The following IMPG2 variants were observed in gnomAD, a reference collection of about 807,000 sequenced individuals.
The protein encoded by IMPG2 is IPM 200.
Under a neutral mutation model 129.2 loss-of-function variants are expected in IMPG2, and 91 were observed. That is an observed-to-expected ratio of 0.70 (90% CI 0.59 to 0.84). The LOEUF (loss-of-function observed/expected upper bound fraction) is 0.84. Ranked by LOEUF, IMPG2 falls within the 40% of genes least tolerant of loss-of-function variation. The pLI is 0.00. For synonymous variants in IMPG2, 510 were observed against 517.7 expected (o/e 0.99, Z 0.20); for missense variants, 1,430 against 1,461.7 (o/e 0.98, Z 0.35).
At chr3:101,269,926 C>CTTTTTTTT (rs5851267) in intron 7 of IMPG2, among the ~76,000 whole-genome samples, 13 of 106,978 alleles carry the variant, frequency 1.2e-4, no homozygotes, top group Non-Finnish European at 1.7e-4. Context: ...TTATTTTATT[C>CTTTTTTTT]TTTTTTTTTT....
At position 101,279,026 on chromosome 3, in the gene IMPG2, A is replaced by T. The variant is rs558699334; in HGVS notation, c.534-2313T>A. Among the ~76,000 whole-genome samples, 40 of 152,318 alleles carry T rather than the reference A, an allele frequency of 2.6e-4. 1 individual carries two copies. In the South Asian group the frequency reaches 8.1e-3, roughly 31 times the overall value. On this transcript the variant is annotated intron_variant, in intron 4 of 18. Transcript: ENST00000193391. ...TAATCAGGCCTGAATAGGGTCCATC[A>T]ATTGTCCACATGGCAGTACTCCTTC...
intron 7 of IMPG2, among the ~76,000 whole-genome samples, chr3:101,270,788 C>T (rs987051775): frequency 6.6e-6 from 1 of 151,512 alleles, no homozygotes; most frequent in Non-Finnish European, 1.5e-5. Flanking sequence ...CGACATACTC[C>T]GTCTCAAAAA....
At chr3:101,295,604 T>C (rs1707071009) in intron 3 of IMPG2, among the ~76,000 whole-genome samples, 1 of 152,196 alleles carries the variant, frequency 6.6e-6, no homozygotes, top group Non-Finnish European at 1.5e-5. Context: ...AGAATGTCAA[T>C]GGTAGTTTGA....
chr3:101,259,717 A>C (rs1160806499), intron 9 of IMPG2, among the ~76,000 whole-genome samples: 2 of 152,086 alleles, frequency 1.3e-5, no homozygotes, highest in Non-Finnish European at 2.9e-5. Flanking sequence ...TTATGTTACT[A>C]GTTAGTGGAA....
chr3:101,256,640 C>T (rs1706613620), intron 10 of IMPG2, among the ~76,000 whole-genome samples: 1 of 152,084 alleles, frequency 6.6e-6, no homozygotes, highest in African/African-American at 2.4e-5. Context: ...AGGACAGAGG[C>T]TCTTTCCTCT....
At chr3:101,240,701 A>G (rs534637702) in intron 14 of IMPG2, among the ~76,000 whole-genome samples, 1 of 152,314 alleles carries the variant, frequency 6.6e-6, no homozygotes, top group South Asian at 2.1e-4. Flanking sequence ...CTTCCACTAT[A>G]CCACATGACA....
intron 3 of IMPG2, among the ~76,000 whole-genome samples, chr3:101,292,389 C>G (rs1339400223): frequency 6.6e-6 from 1 of 152,010 alleles, no homozygotes; most frequent in Admixed American, 6.6e-5. Flanking sequence ...TTTTGGTTTC[C>G]TAGTGTATAT....
intron 14 of IMPG2, among the ~76,000 whole-genome samples, chr3:101,235,509 C>A (rs1025936270): frequency 1.3e-5 from 2 of 152,140 alleles, no homozygotes; most frequent in African/African-American, 4.8e-5. Context: ...TCTATCTTTT[C>A]TATACATTAG....
intron 12 of IMPG2, 58 bp from the exon 13 acceptor site, chr3:101,244,845 TC>T: frequency 6.8e-7 from 1 of 1,461,658 alleles, no homozygotes; most frequent in Non-Finnish European, 9.5e-7. Flanking sequence ...TATTCCTAGT[TC>T]TCCTAATAAA....
chr3:101,264,088 C>T (rs777924572), intron 9 of IMPG2, among the ~76,000 whole-genome samples: 36 of 151,812 alleles, frequency 2.4e-4, no homozygotes, highest in Non-Finnish European at 4.0e-4. Context: ...AAATCAGTAA[C>T]AAAAAGTCTA....
intron 16 of IMPG2, among the ~76,000 whole-genome samples, chr3:101,230,591 C>T (rs1004965291): frequency 4.6e-5 from 7 of 152,198 alleles, no homozygotes; most frequent in African/African-American, 1.2e-4. Flanking sequence ...TTGAAGTTCA[C>T]GCATGCCTCC....
intron 14 of IMPG2, among the ~76,000 whole-genome samples, chr3:101,234,914 C>A (rs1706329587): frequency 6.6e-6 from 1 of 152,116 alleles, no homozygotes. Flanking sequence ...ATCTAAAATT[C>A]TTGGGAGGAG....
chr3:101,319,253 T>G lies in IMPG2; in HGVS notation c.334+331A>C, dbSNP rs74752676. ...TTAATGAAAGACATCTTATTGTGAC[T>G]GCCCTCATGTGAAAAAAGTTTCTTA... On this transcript the variant is annotated intron_variant, in intron 2 of 18. Transcript: ENST00000193391. Among the ~76,000 whole-genome samples the G allele has an allele frequency of 9.4e-3, 1,431 of 152,282 alleles. 26 individuals carry two copies. The highest frequency in any genetic ancestry group is 0.032 in the African/African-American group (1,346 of 41,572).
In IMPG2 at chr3:101,242,918, C is replaced by G. The variant is rs574457386; in HGVS notation, c.2803-11G>C. ...GAGATAGGGAACCAGCTACAATATA[C>G]AAAAGTGGTAAGTTTATTGACAGCG... On this transcript the variant is annotated splice_polypyrimidine_tract_variant and intron_variant, in intron 13 of 18. Transcript: ENST00000193391. The G allele has an allele frequency of 6.2e-7, 1 of 1,607,430 alleles. No individual in the cohort carries two copies. Among genetic ancestry groups the G allele is most frequent in the South Asian group, 1.1e-5 (1 of 90,926 alleles).
chr3:101,255,190 T>C (rs1706585547), intron 10 of IMPG2, among the ~76,000 whole-genome samples: 1 of 152,128 alleles, frequency 6.6e-6, no homozygotes, highest in South Asian at 2.1e-4. Context: ...TTTGAGATAG[T>C]GATCAAGTTA....
chr3:101,259,005 T>C (rs561592068), intron 9 of IMPG2, among the ~76,000 whole-genome samples: 1 of 152,316 alleles, frequency 6.6e-6, no homozygotes, highest in South Asian at 2.1e-4. Context: ...AGACTTCCTT[T>C]AGATTTCTTA....
At chr3:101,283,871 G>A (rs1706918555) in intron 4 of IMPG2, among the ~76,000 whole-genome samples, 1 of 145,728 alleles carries the variant, frequency 6.9e-6, no homozygotes, top group South Asian at 2.3e-4. Flanking sequence ...CTTAGCTGAC[G>A]AATATATAGA....
intron 9 of IMPG2, among the ~76,000 whole-genome samples, chr3:101,259,431 A>G (rs1706645856): frequency 6.6e-6 from 1 of 152,054 alleles, no homozygotes; most frequent in Non-Finnish European, 1.5e-5. Context: ...ATATATTCTT[A>G]TCTACTTCTT....
In IMPG2 at chr3:101,308,127, G is replaced by A. The variant is rs111780929; in HGVS notation, c.335-3815C>T. Among the ~76,000 whole-genome samples the A allele has an allele frequency of 3.9e-3, 596 of 152,278 alleles. 5 individuals are homozygous for A. The highest frequency in any genetic ancestry group is 4.1e-3 in the Non-Finnish European group (278 of 68,026). The stretch of plus-strand genomic sequence containing the variant: ...GCTGTGGCTTTGCAGGGTACAGCCC[G>A]CCTCCCAGCTGCCTTCACAGTGTGG... On this transcript the variant is annotated intron_variant, in intron 2 of 18. Transcript: ENST00000193391.
Sources: gnomAD v4.1 joint callset for allele counts (sites outside exome capture counted in the v4.1 genomes callset) on GRCh38, gnomAD v4.1.1 for gene constraint, MANE v1.5 for transcripts, NCBI Gene and HGNC (gene_info 2026-07-23, HGNC 2026-07-21) for gene names.